Variants in CERS3 observed in about 807,000 individuals in gnomAD.
The protein encoded by CERS3 is LAG1 homolog, ceramide synthase 3.
A neutral mutation model predicts 50.3 loss-of-function variants in CERS3; 33 were observed. The ratio of observed to expected loss-of-function variants is 0.66; its 90% CI spans 0.50 to 0.88. The LOEUF is 0.88. Ranked by LOEUF, CERS3 falls within the 40% of genes least tolerant of loss-of-function variation. The probability of loss-of-function intolerance (pLI) is 0.00; values close to 1 mark genes in which losing one functional copy is unlikely to be tolerated. For synonymous variants in CERS3, 176 were observed against 155.2 expected (o/e 1.13, Z -0.99); for missense variants, 470 against 460.3 (o/e 1.02, Z -0.19).
Position 100,484,580 on chromosome 15 carries a change from G to A in CERS3, c.377C>T (p.Pro126Leu). The change falls in exon 5 of 12, where the codon CCT becomes CTT. Residue 126 changes from proline to leucine, a missense_variant. Physicochemically the swap from Pro to Leu is moderately conservative, Grantham distance 98. Coordinates refer to ENST00000679737, the MANE Select transcript of CERS3 (RefSeq NM_001378789.1). Reference sequence around the variant, plus strand: ...TTCCTGGAATTTCTTCAGCCTGGAAGGCCTCTCTTGATTCCGCCGACTCCT... The same window carrying A: ...TTCCTGGAATTTCTTCAGCCTGGAAAGCCTCTCTTGATTCCGCCGACTCCT... ...WFRSRRNQER[P>L]SRLKKFQEAC... is the part of the protein sequence containing the mutation. 6.2e-7 allele frequency: 1 copy of A among 1,613,886 alleles called. No homozygotes were observed. The highest frequency in any genetic ancestry group is 8.5e-7 in the Non-Finnish European group (1 of 1,179,768).
At chr15:100,408,741 T>C (rs1331251798) in intron 11 of CERS3, 1 of 152,194 alleles carries the variant, frequency 6.6e-6, no homozygotes, top group East Asian at 1.9e-4. Context: ...AATAAATCTC[T>C]CTTTATATTC....
intron 3 of CERS3, among the ~76,000 whole-genome samples, chr15:100,493,587 A>T (rs1407686156): frequency 6.6e-6 from 1 of 152,088 alleles, no homozygotes; most frequent in Non-Finnish European, 1.5e-5. Context: ...AATTCAGGGA[A>T]ATTTTCGGCC....
At chr15:100,418,541 GC>G (rs1218320612) in intron 11 of CERS3, among the ~76,000 whole-genome samples, 1 of 146,732 alleles carries the variant, frequency 6.8e-6, no homozygotes, top group African/African-American at 2.5e-5. Flanking sequence ...CCCCAATCTA[GC>G]AAGGCAGGCC....
At chr15:100,434,853 T>C (rs1009844936) in intron 11 of CERS3, among the ~76,000 whole-genome samples, 3 of 152,246 alleles carry the variant, frequency 2.0e-5, no homozygotes, top group African/African-American at 7.2e-5. Context: ...AAGGAGACTA[T>C]CTCTTCCTTT....
At chr15:100,487,162 T>C (rs1236124476) in intron 4 of CERS3, among the ~76,000 whole-genome samples, 1 of 152,138 alleles carries the variant, frequency 6.6e-6, no homozygotes, top group African/African-American at 2.4e-5. Flanking sequence ...GACCAGAAAA[T>C]AGTGCAAGAT....
At chr15:100,488,060 G>C (rs2035539758) in intron 4 of CERS3, among the ~76,000 whole-genome samples, 1 of 152,196 alleles carries the variant, frequency 6.6e-6, no homozygotes, top group Non-Finnish European at 1.5e-5. Flanking sequence ...TCTGGAAGTT[G>C]TTCTTGATAC....
Position 100,501,841 on chromosome 15 carries a change from C to T in CERS3, c.9G>A (p.Trp3Ter), listed in dbSNP as rs2036012401. The change falls in exon 3 of 12, where the codon TGG becomes TGA. Residue 3 changes from tryptophan to a stop codon, truncating the protein, a stop_gained. Transcript: ENST00000679737. LOFTEE classifies it high-confidence loss of function. ...CCAACCAGAACCATTCTTTAAACGTCCAAAACATTCTAGAGAAATGGAAAC... is the reference window on the plus strand; with the variant it reads ...CCAACCAGAACCATTCTTTAAACGTTCAAAACATTCTAGAGAAATGGAAAC... The part of the protein sequence containing the change: MF[W>*]TFKEWFWLER... 6.2e-7 allele frequency: 1 copy of T among 1,613,796 alleles called. No individual in the cohort carries two copies. Among genetic ancestry groups the T allele is most frequent in the Non-Finnish European group, 8.5e-7 (1 of 1,179,856 alleles).
intron 11 of CERS3, among the ~76,000 whole-genome samples, chr15:100,442,995 A>G (rs1411079102): frequency 1.3e-5 from 2 of 151,560 alleles, no homozygotes; most frequent in African/African-American, 2.4e-5. Context: ...CAACTTAGAC[A>G]ATACTCTTTT....
At chr15:100,457,505 A>T (rs924808364) in intron 10 of CERS3, among the ~76,000 whole-genome samples, 1 of 152,354 alleles carries the variant, frequency 6.6e-6, no homozygotes, top group East Asian at 1.9e-4. Context: ...GGTTATCAAT[A>T]GCATGCTCCT....
intron 3 of CERS3, among the ~76,000 whole-genome samples, chr15:100,498,264 C>T (rs1910411): frequency 0.93 from 142,088 of 152,246 alleles, 66,352 homozygotes; most frequent in East Asian, 0.99. Flanking sequence ...CTATCCTTCC[C>T]TTTCAAATAA....
chr15:100,506,086 A>ACAAACAAG (rs2036170618), intron 2 of CERS3, among the ~76,000 whole-genome samples: 1 of 151,850 alleles, frequency 6.6e-6, no homozygotes, highest in Non-Finnish European at 1.5e-5. Flanking sequence ...AAACAAACAA[A>ACAAACAAG]CAAACAATCA....
intron 3 of CERS3, among the ~76,000 whole-genome samples, chr15:100,493,530 T>A (rs1283621422): frequency 6.6e-6 from 1 of 152,228 alleles, no homozygotes; most frequent in African/African-American, 2.4e-5. Context: ...TCTCTTTAAA[T>A]GTATCATACT....
At chr15:100,422,098 C>T (rs938858738) in intron 11 of CERS3, among the ~76,000 whole-genome samples, 2 of 108,526 alleles carry the variant, frequency 1.8e-5, no homozygotes, top group Admixed American at 2.2e-4. Flanking sequence ...TCTAATTAAA[C>T]TAAAGAGCTT....
intron 2 of CERS3, among the ~76,000 whole-genome samples, chr15:100,507,438 T>G (rs143056945): frequency 0.011 from 1,683 of 152,342 alleles, 54 homozygotes; most frequent in Admixed American, 0.062. Flanking sequence ...GTCACTCTTC[T>G]CTAATCCTCT....
chr15:100,418,409 C>T (rs1195624665), intron 11 of CERS3, among the ~76,000 whole-genome samples: 1 of 150,412 alleles, frequency 6.6e-6, no homozygotes, highest in Non-Finnish European at 1.5e-5. Context: ...TGAGCAAAGC[C>T]TCCAAGAAAT....
At chr15:100,455,762 A>T (rs1596692101) in intron 11 of CERS3, 131 bp downstream of exon 11, 2 of 629,876 alleles carry the variant, frequency 3.2e-6, no homozygotes, top group Non-Finnish European at 4.6e-6. Flanking sequence ...CAAAATTTTA[A>T]TCAAAAATAA....
intron 3 of CERS3, among the ~76,000 whole-genome samples, chr15:100,493,799 A>G (rs1411622713): frequency 6.6e-6 from 1 of 152,136 alleles, no homozygotes; most frequent in Non-Finnish European, 1.5e-5. Context: ...GATTTCAGTC[A>G]TTGTAGTTTT....
chr15:100,408,273 G>T (rs915382783), intron 11 of CERS3, among the ~76,000 whole-genome samples: 2 of 152,208 alleles, frequency 1.3e-5, no homozygotes, highest in South Asian at 2.1e-4. Context: ...ACTTTTCTTC[G>T]TTTGGAAACT....
chr15:100,466,451 T>C (rs1470110655), intron 10 of CERS3, among the ~76,000 whole-genome samples: 1 of 152,178 alleles, frequency 6.6e-6, no homozygotes, highest in East Asian at 1.9e-4. Flanking sequence ...TGGAGTCTAG[T>C]TTTCCTTCCC....
Sources: gnomAD v4.1 joint callset for allele counts (sites outside exome capture counted in the v4.1 genomes callset) on GRCh38, gnomAD v4.1.1 for gene constraint, MANE v1.5 for transcripts, NCBI Gene and HGNC (gene_info 2026-07-23, HGNC 2026-07-21) for gene names.